Variants in GRM8 observed in about 807,000 individuals in gnomAD.
GRM8 encodes metabotropic glutamate receptor 8.
In GRM8, 47 loss-of-function variants were observed where a neutral mutation model predicts 87.2. That is an observed-to-expected ratio of 0.54 (90% confidence interval 0.43 to 0.69). The LOEUF (loss-of-function observed/expected upper bound fraction) is 0.69. GRM8 is among the 30% of genes least tolerant of loss of function. The pLI is 0.00. For missense variants in GRM8, 1,019 were observed against 1,139.2 expected (o/e 0.89, Z 1.52); for synonymous variants, 396 against 404.5 (o/e 0.98, Z 0.25).
At chr7:127,040,201 C>T (rs1818293532) in intron 3 of GRM8, among the ~76,000 whole-genome samples, 1 of 151,942 alleles carries the variant, frequency 6.6e-6, no homozygotes, top group African/African-American at 2.4e-5. Context: ...GAATGGGCTG[C>T]TTTAGTCTCC....
chr7:127,043,785 TA>T (rs1167016393), intron 3 of GRM8, among the ~76,000 whole-genome samples: 1 of 151,884 alleles, frequency 6.6e-6, no homozygotes, highest in African/African-American at 2.4e-5. Context: ...AAATAAAAAA[TA>T]AAAAACCCTT....
chr7:126,529,712 C>T (rs1814503673), intron 9 of GRM8, among the ~76,000 whole-genome samples: 1 of 152,056 alleles, frequency 6.6e-6, no homozygotes, highest in South Asian at 2.1e-4. Context: ...TTTTATGAGC[C>T]CAATTAAGGA....
At chr7:126,839,018 C>T (rs763640903) in intron 6 of GRM8, among the ~76,000 whole-genome samples, 5 of 152,090 alleles carry the variant, frequency 3.3e-5, no homozygotes, top group Non-Finnish European at 7.4e-5. Context: ...ACTTGCAAGC[C>T]CTTCAGCCTG....
intron 8 of GRM8, among the ~76,000 whole-genome samples, chr7:126,585,806 A>G (rs1796058964): frequency 6.6e-6 from 1 of 152,196 alleles, no homozygotes; most frequent in African/African-American, 2.4e-5. Flanking sequence ...CTCCTTTTCA[A>G]CATAGTGTTG....
chr7:127,191,391 C>T (rs191183755), intron 2 of GRM8, among the ~76,000 whole-genome samples: 4 of 152,144 alleles, frequency 2.6e-5, no homozygotes. Flanking sequence ...AATCCCTTAA[C>T]CTTCTAGCAA....
chr7:127,247,511 T>C (rs889711013), intron 1 of GRM8, among the ~76,000 whole-genome samples: 9 of 152,172 alleles, frequency 5.9e-5, no homozygotes, highest in African/African-American at 2.2e-4. Context: ...TGCAGCTCTT[T>C]TGGTTGTTTT....
chr7:127,015,072 A>AAGAAAGAAAGAAGGAGAAGAAGGAG (rs757484218), intron 3 of GRM8, among the ~76,000 whole-genome samples: 13 of 103,910 alleles, frequency 1.3e-4, no homozygotes, highest in Non-Finnish European at 2.1e-4. Context: ...AAGAAGAAAG[A>AAGAAAGAAAGAAGGAGAAGAAGGAG]AAGAAGGAGA....
chr7:126,581,862 T>C (rs1292031595), intron 8 of GRM8, among the ~76,000 whole-genome samples: 1 of 152,142 alleles, frequency 6.6e-6, no homozygotes, highest in East Asian at 1.9e-4. Context: ...ACTACACCTA[T>C]ATAAGTCAAC....
intron 7 of GRM8, among the ~76,000 whole-genome samples, chr7:126,679,472 G>C (rs1807318433): frequency 6.6e-6 from 1 of 152,096 alleles, no homozygotes; most frequent in Non-Finnish European, 1.5e-5. Context: ...CTAACTGATG[G>C]AAACACTAAT....
chr7:126,558,673 G>GA (rs931272458), intron 8 of GRM8, among the ~76,000 whole-genome samples: 1 of 151,810 alleles, frequency 6.6e-6, no homozygotes, highest in African/African-American at 2.4e-5. Context: ...ATAATGATGA[G>GA]AAAAAAAAGT....
intron 3 of GRM8, among the ~76,000 whole-genome samples, chr7:126,931,925 A>G (rs2131448446): frequency 6.6e-6 from 1 of 152,346 alleles, no homozygotes; most frequent in East Asian, 1.9e-4. Flanking sequence ...CTAACTCAAA[A>G]TAACTATTGC....
At chr7:127,095,464 G>A (rs1162658152) in intron 3 of GRM8, among the ~76,000 whole-genome samples, 1 of 152,142 alleles carries the variant, frequency 6.6e-6, no homozygotes, top group Non-Finnish European at 1.5e-5. Context: ...GAGAATACAT[G>A]ACAGTAATCA....
intron 9 of GRM8, among the ~76,000 whole-genome samples, chr7:126,480,935 G>T (rs1297056247): frequency 6.6e-6 from 1 of 152,016 alleles, no homozygotes; most frequent in Non-Finnish European, 1.5e-5. Flanking sequence ...GAAAATACAA[G>T]ATGAACCTGG....
intron 7 of GRM8, among the ~76,000 whole-genome samples, chr7:126,623,686 G>A (rs1450811803): frequency 3.3e-5 from 5 of 152,154 alleles, no homozygotes; most frequent in African/African-American, 1.2e-4. Flanking sequence ...AAATGTATGT[G>A]GACCAACCAA....
intron 3 of GRM8, among the ~76,000 whole-genome samples, chr7:127,101,890 C>A (rs189636207): frequency 2.8e-4 from 43 of 152,210 alleles, no homozygotes; most frequent in African/African-American, 9.9e-4. Flanking sequence ...AAACTTTGTA[C>A]CTTCTTAGAG....
rs544808628 is a variant in GRM8 at position 126,537,264 on chromosome 7, T to C, written c.1495-3377A>G. On this transcript the variant is annotated intron_variant, in intron 8 of 10. Transcript: ENST00000339582. ...AGTTTACAGATTATGTTTTAATAAA[T>C]ATGTTAAATATGCATGCTAAATATG... Among the ~76,000 whole-genome samples, 4 of 152,248 alleles carry C rather than the reference T, an allele frequency of 2.6e-5. No homozygotes were observed. The South Asian group carries it at 8.3e-4, about 32-fold the overall frequency.
intron 8 of GRM8, among the ~76,000 whole-genome samples, chr7:126,546,432 T>A (rs1227996810): frequency 6.6e-6 from 1 of 152,026 alleles, no homozygotes; most frequent in Non-Finnish European, 1.5e-5. Context: ...GAACATCCCA[T>A]CCAGAAAAGG....
chr7:126,796,426 G>T (rs1821958943), intron 6 of GRM8, among the ~76,000 whole-genome samples: 1 of 152,090 alleles, frequency 6.6e-6, no homozygotes, highest in African/African-American at 2.4e-5. Context: ...AAAATGTGGT[G>T]TTTACCAAAG....
intron 9 of GRM8, among the ~76,000 whole-genome samples, chr7:126,456,565 C>A (rs181048506): frequency 9.2e-6 from 1 of 108,626 alleles, no homozygotes; most frequent in African/African-American, 4.0e-5. Flanking sequence ...AATCTAGATT[C>A]AGAGAGAATT....
Sources: allele counts gnomAD v4.1 joint callset (sites outside exome capture counted in the v4.1 genomes callset), GRCh38; gene constraint gnomAD v4.1.1; transcripts MANE v1.5; gene names NCBI Gene and HGNC (gene_info 2026-07-23, HGNC 2026-07-21).